HECW2: variants seen among roughly 807,000 people sequenced by gnomAD.
HECW2 encodes the protein E3 ubiquitin-protein ligase HECW2.
Under a neutral mutation model 175.2 loss-of-function variants are expected in HECW2, and 61 were observed. That is an observed-to-expected ratio of 0.35 (90% CI 0.28 to 0.43). HECW2 has a LOEUF of 0.43. HECW2 is among the 20% of genes least tolerant of loss of function. The pLI is 1.00. For synonymous variants in HECW2, 671 were observed against 731.0 expected (o/e 0.92, Z 1.32); for missense variants, 1,524 against 2,000.5 (o/e 0.76, Z 4.54).
chr2:196,228,110 G>A lies in HECW2; in HGVS notation c.3909C>T (p.His1303=). Residue 1303 remains histidine, a synonymous_variant, in exon 22 of 29, where the codon CAC becomes CAT. Transcript: ENST00000644978. ...GGGGAAAAAATACTTACCATTCATGGTGATTGTCTACAAAAGCAGACATAG... is the reference window on the plus strand; with the variant it reads ...GGGGAAAAAATACTTACCATTCATGATGATTGTCTACAAAAGCAGACATAG... ...ISPMSAFVDN[H]HEWFRFSGRI... The A allele has an allele frequency of 6.3e-7, 1 of 1,578,990 alleles. No individual in the cohort carries two copies. The highest frequency in any genetic ancestry group is 8.6e-7 in the Non-Finnish European group (1 of 1,165,914).
chr2:196,558,015 A>G (rs990416732), intron 1 of HECW2, among the ~76,000 whole-genome samples: 2 of 152,210 alleles, frequency 1.3e-5, no homozygotes, highest in African/African-American at 2.4e-5. Flanking sequence ...TATTATTAAT[A>G]CTTTATTTAT....
chr2:196,563,042 G>A (rs1026776983), intron 1 of HECW2, among the ~76,000 whole-genome samples: 13 of 151,978 alleles, frequency 8.6e-5, no homozygotes, highest in Non-Finnish European at 1.6e-4. Context: ...TCAAAAATTA[G>A]AGAAAAGTAC....
At chr2:196,249,695 A>C (rs1489255875) in intron 19 of HECW2, among the ~76,000 whole-genome samples, 1 of 152,228 alleles carries the variant, frequency 6.6e-6, no homozygotes, top group Non-Finnish European at 1.5e-5. Flanking sequence ...AGATTCCTCC[A>C]GAGGGGAAAT....
intron 10 of HECW2, among the ~76,000 whole-genome samples, chr2:196,311,944 G>C (rs1330723358): frequency 6.6e-6 from 1 of 152,158 alleles, no homozygotes; most frequent in Admixed American, 6.5e-5. Flanking sequence ...TTAGAAAGTG[G>C]GTAAAACTAC....
chr2:196,473,147 A>C (rs1362953664), intron 1 of HECW2, among the ~76,000 whole-genome samples: 1 of 152,236 alleles, frequency 6.6e-6, no homozygotes, highest in Non-Finnish European at 1.5e-5. Context: ...ACTAAAAACC[A>C]CATTTTTCAA....
At chr2:196,514,701 G>A (rs940886344) in intron 1 of HECW2, among the ~76,000 whole-genome samples, 6 of 152,088 alleles carry the variant, frequency 3.9e-5, no homozygotes, top group African/African-American at 1.2e-4. Context: ...AGGAGCTACC[G>A]ACTCTGGGTC....
At chr2:196,226,069 C>T (rs1243243801) in intron 22 of HECW2, among the ~76,000 whole-genome samples, 199 bp from the exon 23 acceptor site, 1 of 152,086 alleles carries the variant, frequency 6.6e-6, no homozygotes, top group African/African-American at 2.4e-5. Context: ...TTGTCCCTGC[C>T]CAAATGTCAT....
intron 1 of HECW2, among the ~76,000 whole-genome samples, chr2:196,489,771 T>A (rs915690173): frequency 6.6e-6 from 1 of 152,226 alleles, no homozygotes; most frequent in East Asian, 1.9e-4. Context: ...GGGAATGCAC[T>A]GTCCCCTACT....
At chr2:196,402,838 G>A (rs1374851895) in intron 2 of HECW2, among the ~76,000 whole-genome samples, 4 of 121,148 alleles carry the variant, frequency 3.3e-5, no homozygotes, top group South Asian at 2.6e-4. Context: ...ACAGAGTCTC[G>A]CTCTGTCACC....
chr2:196,547,999 T>C (rs528648983), intron 1 of HECW2, among the ~76,000 whole-genome samples: 1 of 150,570 alleles, frequency 6.6e-6, no homozygotes, highest in African/African-American at 2.5e-5. Flanking sequence ...ATGATTTTAA[T>C]CCAAATGCAA....
intron 2 of HECW2, among the ~76,000 whole-genome samples, chr2:196,418,530 T>C (rs1575521862): frequency 6.6e-6 from 1 of 152,140 alleles, no homozygotes; most frequent in East Asian, 1.9e-4. Context: ...TTTCAGAGTG[T>C]CAAAAATATA....
At chr2:196,520,485 G>A (rs1688322972) in intron 1 of HECW2, among the ~76,000 whole-genome samples, 1 of 152,208 alleles carries the variant, frequency 6.6e-6, no homozygotes, top group Admixed American at 6.5e-5. Flanking sequence ...TGAAAGGGCA[G>A]ACAGTGGGAA....
intron 1 of HECW2, among the ~76,000 whole-genome samples, chr2:196,476,587 G>A (rs1435887581): frequency 1.3e-5 from 2 of 152,134 alleles, no homozygotes; most frequent in African/African-American, 2.4e-5. Context: ...TCTTCTAACA[G>A]AGTCATTTTG....
intron 2 of HECW2, among the ~76,000 whole-genome samples, chr2:196,425,971 T>C (rs1182634581): frequency 2.6e-5 from 4 of 152,222 alleles, no homozygotes; most frequent in African/African-American, 9.6e-5. Flanking sequence ...TTCACTACTG[T>C]CTTATTTAAA....
At position 196,460,328 on chromosome 2, in the gene HECW2, C is replaced by T. The variant is rs140782642; in HGVS notation, c.-35-26870G>A. 5.5e-3 allele frequency among the ~76,000 whole-genome samples: 838 copies of T among 152,136 alleles called. 7 individuals are homozygous for T. The highest frequency in any genetic ancestry group is 0.019 in the African/African-American group (789 of 41,494). ...AGAGGCATTTTTATTCGACTTTCCT[C>T]CTAAAGACAACCAAAATAAAAAGAA... On this transcript the variant is annotated intron_variant, in intron 1 of 28. Transcript: ENST00000644978.
rs554857215 is a variant in HECW2 at position 196,589,415 on chromosome 2, A to C, written c.-36+4093T>G. Among the ~76,000 whole-genome samples, 4 of 152,220 alleles carry C rather than the reference A, an allele frequency of 2.6e-5. No individual in the cohort carries two copies. In the South Asian group the frequency reaches 8.3e-4, roughly 32 times the overall value. On this transcript the variant is annotated intron_variant, in intron 1 of 28. Coordinates refer to ENST00000644978, the MANE Select transcript of HECW2 (RefSeq NM_001348768.2). ...CAAATGCCACAAACTTCATATATCT[A>C]AGTTGGGTAAAGAATCCAAACCCTT...
intron 2 of HECW2, among the ~76,000 whole-genome samples, chr2:196,369,830 C>T (rs1303948347): frequency 1.3e-5 from 2 of 152,140 alleles, no homozygotes; most frequent in Non-Finnish European, 2.9e-5. Context: ...TGAGCACTGC[C>T]TGGCTACTAC....
At chr2:196,478,427 A>G (rs1686732432) in intron 1 of HECW2, among the ~76,000 whole-genome samples, 1 of 152,218 alleles carries the variant, frequency 6.6e-6, no homozygotes, top group Non-Finnish European at 1.5e-5. Context: ...TATAAAAAGC[A>G]GGTTTCACAT....
chr2:196,575,649 T>A (rs548336199), intron 1 of HECW2, among the ~76,000 whole-genome samples: 3 of 152,296 alleles, frequency 2.0e-5, no homozygotes, highest in East Asian at 3.9e-4. Flanking sequence ...CCATTTCGCA[T>A]TGCTATAAAG....
Sources: allele counts gnomAD v4.1 joint callset (sites outside exome capture counted in the v4.1 genomes callset), GRCh38; gene constraint gnomAD v4.1.1; transcripts MANE v1.5; gene names NCBI Gene and HGNC (gene_info 2026-07-23, HGNC 2026-07-21).